TLK1: variants seen among roughly 807,000 people sequenced by gnomAD.
TLK1 encodes serine/threonine-protein kinase tousled-like 1.
Under a neutral mutation model 105.3 loss-of-function variants are expected in TLK1, and 24 were observed. That is an observed-to-expected ratio of 0.23 (90% CI 0.17 to 0.32). The LOEUF is 0.32. Ranked by LOEUF, TLK1 falls within the 10% of genes least tolerant of loss-of-function variation. The probability of loss-of-function intolerance (pLI) is 1.00; values close to 1 mark genes in which losing one functional copy is unlikely to be tolerated. For missense variants in TLK1, 558 were observed against 910.5 expected (o/e 0.61, Z 4.98); for synonymous variants, 321 against 310.4 (o/e 1.03, Z -0.36).
rs971994781 is a variant in TLK1 at position 170,993,543 on chromosome 2, T to A, written c.*237A>T. On this transcript the variant is annotated 3_prime_UTR_variant, in exon 21 of 21. Coordinates refer to ENST00000431350, the MANE Select transcript of TLK1 (RefSeq NM_012290.5). The stretch of plus-strand genomic sequence containing the variant: ...CCTGTTTCTGTGTAACAGGCAGTCA[T>A]CCTTCCTTCACTGCTCAAAATTATA... 13 of 367,236 alleles carry A rather than the reference T, an allele frequency of 3.5e-5. No homozygotes were observed. In the Admixed American group the frequency reaches 3.7e-4, roughly 10 times the overall value. The allele number at this position is 367,236 out of a possible 1,614,324, so 22.7% of individuals were successfully genotyped here.
intron 1 of TLK1, among the ~76,000 whole-genome samples, chr2:171,156,891 C>T (rs924921003): frequency 1.3e-5 from 2 of 152,120 alleles, no homozygotes; most frequent in Non-Finnish European, 2.9e-5. Context: ...AATGCAATGA[C>T]GCTATCTAGG....
intron 1 of TLK1, among the ~76,000 whole-genome samples, chr2:171,204,624 A>G (rs1210785776): frequency 6.6e-6 from 1 of 152,046 alleles, no homozygotes; most frequent in East Asian, 1.9e-4. Flanking sequence ...GTGAGTCTGT[A>G]AGCCACTCCA....
At chr2:171,195,345 T>C (rs984864104) in intron 1 of TLK1, among the ~76,000 whole-genome samples, 5 of 151,894 alleles carry the variant, frequency 3.3e-5, no homozygotes, top group African/African-American at 7.2e-5. Context: ...CTACTAAAAC[T>C]ACAAAAAATT....
At chr2:171,194,964 C>T (rs537814213) in intron 1 of TLK1, among the ~76,000 whole-genome samples, 1 of 152,230 alleles carries the variant, frequency 6.6e-6, no homozygotes, top group African/African-American at 2.4e-5. Flanking sequence ...TCTGCTCATT[C>T]ACTGCTCCTT....
At chr2:171,170,003 A>G (rs1340214322) in intron 1 of TLK1, among the ~76,000 whole-genome samples, 3 of 152,238 alleles carry the variant, frequency 2.0e-5, no homozygotes, top group Admixed American at 1.3e-4. Context: ...AGAGCAAATG[A>G]CAAAACTGAA....
chr2:171,161,990 CA>C (rs1281368403), upstream of TLK1, among the ~76,000 whole-genome samples: 2 of 152,288 alleles, frequency 1.3e-5, no homozygotes, highest in African/African-American at 4.8e-5. Flanking sequence ...GCATGATTAC[CA>C]GGGGGACAAA....
At chr2:171,018,441 TGG>T (rs764232456) in intron 12 of TLK1, among the ~76,000 whole-genome samples, 1 of 152,276 alleles carries the variant, frequency 6.6e-6, no homozygotes, top group Non-Finnish European at 1.5e-5. Context: ...AGTTTTGGTT[TGG>T]CCCAGGGTAC....
intron 2 of TLK1, among the ~76,000 whole-genome samples, chr2:171,111,648 T>A (rs1033682123): frequency 3.3e-5 from 5 of 151,006 alleles, no homozygotes; most frequent in African/African-American, 1.2e-4. Context: ...CAGTTTTACG[T>A]GTCTACTCAT....
chr2:171,020,752 C>A (rs1292176102), intron 12 of TLK1, among the ~76,000 whole-genome samples: 1 of 151,822 alleles, frequency 6.6e-6, no homozygotes, highest in Non-Finnish European at 1.5e-5. Flanking sequence ...CCAAAATAAC[C>A]ACCTAGACAA....
intron 5 of TLK1, among the ~76,000 whole-genome samples, chr2:171,057,346 AG>A (rs1286643438): frequency 3.3e-5 from 5 of 152,052 alleles, no homozygotes; most frequent in Non-Finnish European, 5.9e-5. Context: ...CCTGCAACCT[AG>A]GGATTTTGCC....
chr2:171,184,162 GA>G (rs938845783), intron 1 of TLK1, among the ~76,000 whole-genome samples: 1 of 152,194 alleles, frequency 6.6e-6, no homozygotes, highest in African/African-American at 2.4e-5. Context: ...GCCAAGGAAC[GA>G]GGGTGGCTTC....
At chr2:171,063,177 C>T (rs1335393505) in intron 3 of TLK1, among the ~76,000 whole-genome samples, 2 of 152,016 alleles carry the variant, frequency 1.3e-5, no homozygotes, top group East Asian at 3.9e-4. Flanking sequence ...GAAACCCTGA[C>T]TCTACTAAAA....
intron 3 of TLK1, chr2:171,081,830 C>A (rs940891732): frequency 6.7e-6 from 4 of 594,140 alleles, no homozygotes; most frequent in South Asian, 1.7e-5. Context: ...TTCAATAACA[C>A]AGAGCTAAAA....
At chr2:171,139,070 C>A (rs1478686495) in intron 1 of TLK1, among the ~76,000 whole-genome samples, 1 of 152,060 alleles carries the variant, frequency 6.6e-6, no homozygotes, top group African/African-American at 2.4e-5. Context: ...TTAAAAGAAG[C>A]AAAGTGACTA....
intron 2 of TLK1, among the ~76,000 whole-genome samples, chr2:171,091,328 C>T (rs1382381032): frequency 6.6e-6 from 1 of 152,044 alleles, no homozygotes; most frequent in Non-Finnish European, 1.5e-5. Context: ...ACAATAGATG[C>T]CCCCATCTAA....
chr2:171,037,673 G>A (rs1039099796), intron 11 of TLK1, among the ~76,000 whole-genome samples: 1 of 152,006 alleles, frequency 6.6e-6, no homozygotes, highest in Non-Finnish European at 1.5e-5. Context: ...ATATTTTTCT[G>A]ATCTATAACC....
chr2:171,160,998 C>T (rs1234342969), upstream of TLK1: 2 of 173,500 alleles, frequency 1.2e-5, no homozygotes, highest in Non-Finnish European at 2.2e-5. The surrounding 1 kb of genome is among the most constrained non-coding windows in gnomAD (Gnocchi z 4.4). Context: ...GCAGCGGCGG[C>T]CGCGGGAGCA....
rs1174293602 is a variant in TLK1, at chr2:171,053,763, T to C, written c.730A>G (p.Arg244Gly). The C allele has an allele frequency of 1.2e-6, 2 of 1,601,942 alleles. No individual in the cohort carries two copies. Among genetic ancestry groups the C allele is most frequent in the South Asian group, 1.1e-5 (1 of 89,102 alleles). ...KKEGRIDDLL[R>G]ANCDLRRQID... Reference sequence around the variant, plus strand: ...CCCCTCTATGACTCATTACTTACCCTGAGCAAATCATCTATACGTCCCTCC... The same window carrying C: ...CCCCTCTATGACTCATTACTTACCCCGAGCAAATCATCTATACGTCCCTCC... Residue 244 changes from arginine (R) to glycine (G), a missense_variant and splice_region_variant, in exon 8 of 21, where the codon AGG (arginine) becomes GGG (glycine). Physicochemically the swap from Arg to Gly is moderately radical, Grantham distance 125 (BLOSUM62 -2). Transcript: ENST00000431350.
intron 3 of TLK1, among the ~76,000 whole-genome samples, chr2:171,072,929 GAA>G (rs11387073): frequency 2.7e-4 from 33 of 123,518 alleles, no homozygotes; most frequent in Middle Eastern, 4.1e-3. Context: ...ACTCTGTCTC[GAA>G]AAAAAAAAAA....
Sources: allele counts gnomAD v4.1 joint callset (sites outside exome capture counted in the v4.1 genomes callset), GRCh38; gene constraint gnomAD v4.1.1; non-coding constraint Gnocchi (gnomAD v3.1); transcripts MANE v1.5; gene names NCBI Gene and HGNC (gene_info 2026-07-23, HGNC 2026-07-21).